Variants in USP32 observed in about 807,000 individuals in gnomAD.
USP32 encodes the protein ubiquitin specific peptidase 32.
A neutral mutation model predicts 204.8 loss-of-function variants in USP32; 59 were observed. That is an observed-to-expected ratio of 0.29 (90% CI 0.23 to 0.36). The LOEUF is 0.36. Among genes scored for constraint, USP32 ranks in the 10% least tolerant of loss-of-function variants. The pLI is 1.00. For missense variants in USP32, 1,160 were observed against 1,946.4 expected (o/e 0.60, Z 7.60); for synonymous variants, 517 against 678.4 (o/e 0.76, Z 3.70).
At chr17:60,249,741 A>C (rs1317178163) in intron 11 of USP32, 2 of 701,484 alleles carry the variant, frequency 2.9e-6, no homozygotes, top group African/African-American at 3.5e-5. Flanking sequence ...ATATTTGGTC[A>C]GTTTCCAGAG....
At chr17:60,232,861 T>C (rs1188440677) in intron 12 of USP32, among the ~76,000 whole-genome samples, 3 of 152,148 alleles carry the variant, frequency 2.0e-5, no homozygotes, top group Non-Finnish European at 4.4e-5. Context: ...AGAAGAAATT[T>C]AAATCCTCAT....
At chr17:60,301,031 T>G (rs149900581) in intron 3 of USP32, among the ~76,000 whole-genome samples, 2 of 152,362 alleles carry the variant, frequency 1.3e-5, no homozygotes, top group East Asian at 3.9e-4. Context: ...ACTTTATTCC[T>G]TTTTATACCA....
chr17:60,267,267 C>T (rs1281327551), intron 7 of USP32, among the ~76,000 whole-genome samples: 1 of 151,860 alleles, frequency 6.6e-6, no homozygotes, highest in Non-Finnish European at 1.5e-5. Context: ...ATTAGCTGGG[C>T]GTAGTGGCGG....
chr17:60,327,124 G>A (rs2088259928), intron 2 of USP32, among the ~76,000 whole-genome samples: 1 of 152,198 alleles, frequency 6.6e-6, no homozygotes, highest in Admixed American at 6.5e-5. Flanking sequence ...TAGACGACCA[G>A]ATTTTTTAAT....
chr17:60,351,058 CA>C (rs1231617162), intron 1 of USP32, among the ~76,000 whole-genome samples: 1 of 151,994 alleles, frequency 6.6e-6, no homozygotes, highest in East Asian at 1.9e-4. Flanking sequence ...AAACAAGAAG[CA>C]AACGAATTTA....
rs758528054 is a variant in USP32, at chr17:60,368,991, AT to A, written c.58+22890del. 4.5e-3 allele frequency among the ~76,000 whole-genome samples: 517 copies of A among 114,128 alleles called. 21 individuals are homozygous for A. The highest frequency in any genetic ancestry group is 0.018 in the African/African-American group (344 of 19,584). The allele number at this position is 114,128 out of a possible 152,430, so 74.9% of individuals were successfully genotyped here. A position where few individuals can be genotyped will look rare whatever the true frequency, so the allele number is the denominator to read the frequency against. On this transcript the variant is annotated intron_variant, in intron 1 of 33. Transcript: ENST00000300896. ...ACATACACGAATTATTTTTTAAAAG[AT>A]TTTTTTTTTTTTTTTTTTTTGAGAC...
intron 5 of USP32, among the ~76,000 whole-genome samples, chr17:60,278,580 T>C (rs1285392100): frequency 6.6e-6 from 1 of 152,050 alleles, no homozygotes; most frequent in African/African-American, 2.4e-5. Context: ...AAAAAAGCAG[T>C]TGTGTTAAGT....
chr17:60,422,042 G>T, intron 1 of USP32: 4 of 762,206 alleles, frequency 5.2e-6, no homozygotes, highest in Non-Finnish European at 6.3e-6. Flanking sequence ...AGCACGGAGG[G>T]CTTATTATTA....
chr17:60,305,419 G>C (rs1481359038), intron 2 of USP32, among the ~76,000 whole-genome samples: 1 of 152,170 alleles, frequency 6.6e-6, no homozygotes, highest in Non-Finnish European at 1.5e-5. Context: ...AAAGCACCCA[G>C]GCACTCGTGG....
intron 5 of USP32, among the ~76,000 whole-genome samples, chr17:60,287,098 C>T (rs112204924): frequency 0.022 from 3,273 of 152,062 alleles, 138 homozygotes; most frequent in African/African-American, 0.075. Context: ...TGCAGTGAGC[C>T]GAGATCGCGC....
At chr17:60,375,996 A>G (rs1311666198) in intron 1 of USP32, among the ~76,000 whole-genome samples, 2 of 152,154 alleles carry the variant, frequency 1.3e-5, no homozygotes, top group Admixed American at 1.3e-4. Context: ...CAAAATATTC[A>G]TTGCATTTTC....
intron 7 of USP32, among the ~76,000 whole-genome samples, 178 bp downstream of exon 7, chr17:60,269,272 G>A (rs1445756090): frequency 6.6e-6 from 1 of 152,108 alleles, no homozygotes. Flanking sequence ...TAGTAAAAAA[G>A]AAGAGGTGAT....
intron 2 of USP32, among the ~76,000 whole-genome samples, chr17:60,323,061 G>C (rs2088150804): frequency 6.6e-6 from 1 of 152,126 alleles, no homozygotes; most frequent in African/African-American, 2.4e-5. Context: ...AATGTAAAAT[G>C]GGCAGCCACT....
chr17:60,179,795 C>T (rs1598019105), intron 33 of USP32, among the ~76,000 whole-genome samples: 1 of 152,114 alleles, frequency 6.6e-6, no homozygotes, highest in South Asian at 2.1e-4. Context: ...CTCAGCCTCC[C>T]GAGTAGCTGG....
intron 1 of USP32, among the ~76,000 whole-genome samples, chr17:60,411,083 C>T (rs1027915329): frequency 6.6e-5 from 10 of 151,978 alleles, no homozygotes; most frequent in African/African-American, 2.4e-4. Context: ...AATCTCAGCA[C>T]TTTGGGAGGC....
At chr17:60,261,349 A>G (rs570171543) in intron 9 of USP32, among the ~76,000 whole-genome samples, 207 of 152,292 alleles carry the variant, frequency 1.4e-3, no homozygotes, top group African/African-American at 4.9e-3. Context: ...AAGGCTGTTT[A>G]AAAAGTACAA....
chr17:60,392,243 C>T, upstream of USP32: 1 of 452,552 alleles, frequency 2.2e-6, no homozygotes, highest in Non-Finnish European at 4.0e-6. Context: ...CCGCCCCCTC[C>T]CGCCAGCTCC....
intron 2 of USP32, among the ~76,000 whole-genome samples, chr17:60,339,058 C>T (rs757707417): frequency 1.2e-4 from 18 of 151,560 alleles, no homozygotes; most frequent in Non-Finnish European, 2.4e-4. Flanking sequence ...TACAGGAGCC[C>T]GCCACCACGC....
At chr17:60,188,521 C>A (rs1471127078) in intron 29 of USP32, among the ~76,000 whole-genome samples, 1 of 152,070 alleles carries the variant, frequency 6.6e-6, no homozygotes, top group Non-Finnish European at 1.5e-5. Flanking sequence ...TAAGCTTGTT[C>A]CCATAAATGT....
Sources: allele counts gnomAD v4.1 joint callset (sites outside exome capture counted in the v4.1 genomes callset), GRCh38; gene constraint gnomAD v4.1.1; transcripts MANE v1.5; gene names NCBI Gene and HGNC (gene_info 2026-07-23, HGNC 2026-07-21).